The following CNOT1 variants were observed in gnomAD, a reference collection of about 807,000 sequenced individuals.
The protein encoded by CNOT1 is CCR4-NOT transcription complex subunit 1, also known as CCR4-associated factor 1.
CNOT1 carries 15 observed loss-of-function variants against 273.8 expected under a neutral mutation model. That is an observed-to-expected ratio of 0.05 (90% confidence interval 0.04 to 0.08). CNOT1 has a LOEUF of 0.08. Ranked by LOEUF, CNOT1 falls within the 10% of genes least tolerant of loss-of-function variation. The pLI is 1.00. For synonymous variants in CNOT1, 1,022 were observed against 1,005.5 expected (o/e 1.02, Z -0.31); for missense variants, 1,644 against 2,912.2 (o/e 0.56, Z 10.02).
chr16:58,535,556 G>C (rs576062033), intron 39 of CNOT1, among the ~76,000 whole-genome samples: 1 of 152,298 alleles, frequency 6.6e-6, no homozygotes, highest in South Asian at 2.1e-4. Context: ...GCAATGATCA[G>C]AAAGACCAAT....
intron 1 of CNOT1, among the ~76,000 whole-genome samples, chr16:58,608,862 G>T (rs61551605): frequency 0.23 from 34,773 of 152,058 alleles, 4,329 homozygotes; most frequent in African/African-American, 0.33. Context: ...AGTCAATCAG[G>T]AATGGAAAAC....
At chr16:58,598,501 G>A (rs1422588206) in intron 2 of CNOT1, among the ~76,000 whole-genome samples, 1 of 151,436 alleles carries the variant, frequency 6.6e-6, no homozygotes, top group Non-Finnish European at 1.5e-5. Context: ...CCCAGGACAA[G>A]GAGGTTGCAG....
rs569093089 is a variant in CNOT1, at chr16:58,604,379, C to T, written c.-174-4868G>A. On this transcript the variant is annotated intron_variant, in intron 1 of 48. Coordinates refer to ENST00000317147, the MANE Select transcript of CNOT1 (RefSeq NM_016284.5). ...TTCATTCACTATAAGGGATTTGTAGCGCTGGATCATTCTATTTGTATACGC... is the reference window on the plus strand; with the variant it reads ...TTCATTCACTATAAGGGATTTGTAGTGCTGGATCATTCTATTTGTATACGC... Among the ~76,000 whole-genome samples, 56 of 152,220 alleles carry T rather than the reference C, an allele frequency of 3.7e-4. No individual in the cohort carries two copies. The East Asian group carries it at 4.8e-3, about 13-fold the overall frequency.
At chr16:58,561,928 A>G (rs937365810) in intron 16 of CNOT1, among the ~76,000 whole-genome samples, 2 of 151,894 alleles carry the variant, frequency 1.3e-5, no homozygotes, top group African/African-American at 4.8e-5. Context: ...TAATCCTAGC[A>G]CTCTGGGAGG....
At chr16:58,602,616 A>T (rs1169591248) in intron 1 of CNOT1, among the ~76,000 whole-genome samples, 1 of 148,830 alleles carries the variant, frequency 6.7e-6, no homozygotes, top group Non-Finnish European at 1.5e-5. Context: ...CTGTAATCCC[A>T]GCTACCCAGG....
intron 19 of CNOT1, among the ~76,000 whole-genome samples, 168 bp from the exon 20 acceptor site, chr16:58,556,076 C>A (rs952844377): frequency 2.0e-5 from 3 of 152,136 alleles, no homozygotes; most frequent in Non-Finnish European, 4.4e-5. Context: ...CTAGGGTAGA[C>A]GTAAAAGATC....
intron 40 of CNOT1, chr16:58,532,730 C>A (rs2039809161): frequency 4.6e-6 from 1 of 216,602 alleles, no homozygotes; most frequent in South Asian, 9.7e-5. Context: ...TTTGTCTGGT[C>A]TGACATGAAG....
At chr16:58,530,852 G>A (rs1017125119) in intron 42 of CNOT1, among the ~76,000 whole-genome samples, 1 of 151,978 alleles carries the variant, frequency 6.6e-6, no homozygotes, top group African/African-American at 2.4e-5. Flanking sequence ...AAGTTATTAT[G>A]GAGATAGTGG....
chr16:58,521,301 A>G lies in CNOT1; in HGVS notation c.6934T>C (p.Leu2312=). Residue 2312 remains leucine (L), a synonymous_variant, in exon 48 of 49, where the codon TTG becomes CTG. Transcript: ENST00000317147. ...EQITRVLLER[L]IVNRPHPWGL... ...CAAGGATGTGGCCTATTTACAATCA[A>G]CCGTTCCAAGAGAACTCTGGAAAAA... is the stretch of plus-strand genomic sequence containing the variant. The G allele has an allele frequency of 6.2e-7, 1 of 1,610,964 alleles. No individual in the cohort carries two copies. Among genetic ancestry groups the G allele is most frequent in the Non-Finnish European group, 8.5e-7 (1 of 1,179,324 alleles).
chr16:58,530,461 A>G, intron 42 of CNOT1, 114 bp from the exon 43 acceptor site: 1 of 650,964 alleles, frequency 1.5e-6, no homozygotes, highest in Non-Finnish European at 2.5e-6. Flanking sequence ...TAAGTAGAGA[A>G]TACTAATGTT....
chr16:58,533,433 G>A (rs1290846182), intron 40 of CNOT1, among the ~76,000 whole-genome samples: 5 of 152,156 alleles, frequency 3.3e-5, no homozygotes, highest in East Asian at 1.9e-4. Flanking sequence ...TTGGGAGAGC[G>A]AGACCATCCT....
At chr16:58,528,400 C>T in intron 44 of CNOT1, 75 bp downstream of exon 44, 1 of 1,037,062 alleles carries the variant, frequency 9.6e-7, no homozygotes, top group Non-Finnish European at 1.5e-6. Context: ...TAGGAAAGTG[C>T]TGAACAGTCT....
At position 58,581,666 on chromosome 16, in the gene CNOT1, CTTTT is replaced by C. The variant is rs923677174; in HGVS notation, c.1045-155_1045-152del. On this transcript the variant is annotated intron_variant, in intron 10 of 48. Transcript: ENST00000317147. ...TTTAAGAAACCCATTCTTTTTTTTT[CTTTT>C]TTTTTTTTTAAGACAGAGTCTCACT... The C allele has an allele frequency of 6.0e-6, 7 of 1,169,588 alleles. No individual in the cohort carries two copies. In the African/African-American group the frequency reaches 1.1e-4, roughly 18 times the overall value. 72.5% of individuals were successfully genotyped at this position (1,169,588 alleles called of 1,614,324 possible). A position where few individuals can be genotyped will look rare whatever the true frequency, so the allele number is the denominator to read the frequency against.
At chr16:58,577,845 CA>C (rs34127478) in intron 13 of CNOT1, among the ~76,000 whole-genome samples, 322 of 106,306 alleles carry the variant, frequency 3.0e-3, no homozygotes, top group Admixed American at 3.4e-3. Context: ...TCCTCTCTCT[CA>C]AAAAAAAAAA....
chr16:58,617,388 T>A (rs967896631), intron 1 of CNOT1, among the ~76,000 whole-genome samples: 3 of 150,588 alleles, frequency 2.0e-5, no homozygotes, highest in African/African-American at 4.9e-5. Context: ...AAAAAAAAAA[T>A]AACAAACCAC....
Position 58,551,690 on chromosome 16 carries a change from C to A in CNOT1, c.3100G>T (p.Gly1034Cys). ...AQVPAKAPLA[G>C]QVSTMVTTST... ...GTGGTTACCATAGTGCTAACTTGACCAGCAAGAGGAGCTTTTGCTGGAACC... is the reference window on the plus strand; with the variant it reads ...GTGGTTACCATAGTGCTAACTTGACAAGCAAGAGGAGCTTTTGCTGGAACC... Residue 1034 changes from glycine to cysteine, a missense_variant, in exon 23 of 49, where the codon GGT (glycine) becomes TGT (cysteine). Gly to Cys is a radical substitution (Grantham distance 159). This residue lies in a region of CNOT1 where 77 missense variants were observed against 90.5 expected (regional missense o/e 0.85). Coordinates refer to ENST00000317147, the MANE Select transcript of CNOT1 (RefSeq NM_016284.5). 1 of 1,614,178 alleles carries A rather than the reference C, an allele frequency of 6.2e-7. No individual in the cohort carries two copies. The highest frequency in any genetic ancestry group is 8.5e-7 in the Non-Finnish European group (1 of 1,180,026).
intron 17 of CNOT1, 189 bp downstream of exon 17, chr16:58,560,023 G>C (rs1015048364): frequency 6.9e-7 from 1 of 1,439,164 alleles, no homozygotes; most frequent in African/African-American, 1.4e-5. Context: ...TTAGAGTCAC[G>C]TTCTATTTGA....
At chr16:58,613,483 CTGA>C (rs941404440) in intron 1 of CNOT1, among the ~76,000 whole-genome samples, 2 of 125,260 alleles carry the variant, frequency 1.6e-5, no homozygotes, top group African/African-American at 5.4e-5. Context: ...TACCTCTGCA[CTGA>C]ATACTTAGGA....
At chr16:58,558,778 CT>C in intron 17 of CNOT1, 104 bp from the exon 18 acceptor site, 1 of 1,426,664 alleles carries the variant, frequency 7.0e-7, no homozygotes. Flanking sequence ...AAAAAGCAAA[CT>C]ATTACACCCA....
Sources: gnomAD v4.1 joint callset for allele counts (sites outside exome capture counted in the v4.1 genomes callset) on GRCh38, gnomAD v4.1.1 for gene constraint, gnomAD v4.1.1 regional missense constraint, MANE v1.5 for transcripts, NCBI Gene and HGNC (gene_info 2026-07-23, HGNC 2026-07-21) for gene names.